Variants in MINDY4 observed in about 807,000 individuals in gnomAD.
The protein encoded by MINDY4 is MINDY lysine 48 deubiquitinase 4.
MINDY4 carries 68 observed loss-of-function variants against 87.0 expected under a neutral mutation model. The ratio of observed to expected loss-of-function variants is 0.78; its 90% CI spans 0.64 to 0.96. The LOEUF is 0.96. Among genes scored for constraint, MINDY4 ranks in the 40% least tolerant of loss-of-function variants. The pLI is 0.00. For synonymous variants in MINDY4, 379 were observed against 363.2 expected, an observed-to-expected ratio of 1.04 and a Z score of -0.50; for missense variants, 919 against 928.2, an observed-to-expected ratio of 0.99 and a Z score of 0.13.
At chr7:30,774,753 C>CACAAGACGTCTTGCA (rs1336329649) in intron 1 of MINDY4, among the ~76,000 whole-genome samples, 7 of 151,966 alleles carry the variant, frequency 4.6e-5, no homozygotes, top group African/African-American at 1.7e-4. Flanking sequence ...TCTTAGCTTT[C>CACAAGACGTCTTGCA]CTCCTACTCC....
intron 5 of MINDY4, among the ~76,000 whole-genome samples, chr7:30,809,284 G>GC (rs1452775633): frequency 6.6e-6 from 1 of 150,776 alleles, no homozygotes; most frequent in Non-Finnish European, 1.5e-5. Context: ...ATCTGTAGCG[G>GC]CAACTGCTTA....
At chr7:30,862,181 A>T (rs537243562) in intron 13 of MINDY4, among the ~76,000 whole-genome samples, 125 of 152,238 alleles carry the variant, frequency 8.2e-4, no homozygotes, top group African/African-American at 2.9e-3. Context: ...CCTGCAGGAG[A>T]TGTGGGCATC....
At chr7:30,802,853 A>C (rs879301050) in intron 5 of MINDY4, among the ~76,000 whole-genome samples, 8 of 151,858 alleles carry the variant, frequency 5.3e-5, no homozygotes, top group Admixed American at 1.3e-4. Context: ...GACCAACCAA[A>C]CCAACCAACC....
At chr7:30,828,318 TTGTGTGTGTG>T (rs60396175) in intron 5 of MINDY4, among the ~76,000 whole-genome samples, 1 of 147,994 alleles carries the variant, frequency 6.8e-6, no homozygotes, top group Non-Finnish European at 1.5e-5. Flanking sequence ...AGAACTCGAT[TTGTGTGTGTG>T]TGTGTGTGTG....
Position 30,875,594 on chromosome 7 carries a change from G to C in MINDY4, c.1909G>C (p.Gly637Arg). Residue 637 changes from glycine to arginine, a missense_variant, in exon 15 of 18, where the codon GGC (glycine) becomes CGC (arginine). Transcript: ENST00000265299. ...SGDGNITLLR[G>R]IAARSDIGFL... ...GGATGGGAACATCACACTTCTCAGA[G>C]GCATTGCTGCACGCAGTGATATTGG... 1 of 1,614,162 alleles carries C rather than the reference G, an allele frequency of 6.2e-7. No homozygotes were observed. Among genetic ancestry groups the C allele is most frequent in the Non-Finnish European group, 8.5e-7 (1 of 1,180,024 alleles).
intron 12 of MINDY4, among the ~76,000 whole-genome samples, chr7:30,855,559 G>T (rs545417910): frequency 9.8e-5 from 15 of 152,294 alleles, no homozygotes; most frequent in South Asian, 2.1e-4. Context: ...GAGGGTGATT[G>T]CTCAAATGAC....
intron 5 of MINDY4, among the ~76,000 whole-genome samples, chr7:30,793,153 T>C (rs1447005399): frequency 3.0e-5 from 3 of 100,430 alleles, no homozygotes; most frequent in Admixed American, 8.9e-5. Context: ...ATATATTGTT[T>C]ATTTAATTGT....
intron 15 of MINDY4, among the ~76,000 whole-genome samples, chr7:30,879,301 C>G (rs192828875): frequency 2.4e-4 from 37 of 152,294 alleles, no homozygotes; most frequent in Non-Finnish European, 5.9e-5. Flanking sequence ...AGCAGGAAGT[C>G]CTTCTGAAGG....
chr7:30,841,138 C>T lies in MINDY4; in HGVS notation c.1445+290C>T, dbSNP rs754234632. Among the ~76,000 whole-genome samples the T allele has an allele frequency of 2.6e-5, 4 of 152,132 alleles. 1 individual carries two copies. The highest frequency in any genetic ancestry group is 4.1e-4 in the South Asian group (2 of 4,824). On this transcript the variant is annotated intron_variant, in intron 9 of 17. Transcript: ENST00000265299. Reference sequence around the variant, plus strand: ...TTCCCTCCTCAGACGGCAAGCTGCCCGAATCCCTTCCACCCACCAGGTCGA... The same window carrying T: ...TTCCCTCCTCAGACGGCAAGCTGCCTGAATCCCTTCCACCCACCAGGTCGA...
chr7:30,847,942 G>T (rs1789277487), intron 9 of MINDY4, among the ~76,000 whole-genome samples: 1 of 152,054 alleles, frequency 6.6e-6, no homozygotes, highest in South Asian at 2.1e-4. Context: ...TATGTTGCCT[G>T]GGCTGTTCTC....
intron 12 of MINDY4, among the ~76,000 whole-genome samples, chr7:30,854,512 G>A (rs1789514086): frequency 6.6e-6 from 1 of 151,822 alleles, no homozygotes; most frequent in Non-Finnish European, 1.5e-5. Context: ...CCACTACGAA[G>A]CAGAGGAAGA....
chr7:30,796,444 C>T (rs1056446572), intron 5 of MINDY4, among the ~76,000 whole-genome samples: 12 of 152,164 alleles, frequency 7.9e-5, no homozygotes, highest in African/African-American at 2.4e-4. Flanking sequence ...TCCCAGAATA[C>T]AGCCTTGAAG....
At chr7:30,885,631 T>G (rs1790607830) in intron 17 of MINDY4, among the ~76,000 whole-genome samples, 1 of 152,146 alleles carries the variant, frequency 6.6e-6, no homozygotes, top group South Asian at 2.1e-4. Flanking sequence ...ATTTGCATTT[T>G]TAAGGAGTCC....
chr7:30,823,628 T>C (rs907174043), intron 5 of MINDY4, among the ~76,000 whole-genome samples: 1 of 152,252 alleles, frequency 6.6e-6, no homozygotes, highest in African/African-American at 2.4e-5. Flanking sequence ...TCTTTTCTTA[T>C]GATTTCCATT....
At chr7:30,843,139 C>T (rs1359450380) in intron 9 of MINDY4, among the ~76,000 whole-genome samples, 1 of 152,250 alleles carries the variant, frequency 6.6e-6, no homozygotes, top group East Asian at 1.9e-4. Flanking sequence ...AGCCCTGTGT[C>T]TGGTCCACAG....
Position 30,791,271 on chromosome 7 carries a change from A to C in MINDY4, c.770A>C (p.Gln257Pro). ...KVPELFVCTQQDILASSNSSP... is the reference protein window; with the variant it reads ...KVPELFVCTQPDILASSNSSP... The stretch of plus-strand genomic sequence containing the variant: ...CCTGAGCTCTTTGTCTGCACCCAAC[A>C]GGACATTCTGGCTTCGAGCAACAGC... The change falls in exon 5 of 18, where the codon CAG (glutamine) becomes CCG (proline). Residue 257 changes from glutamine (Q) to proline (P), a missense_variant. Gln to Pro is a moderately conservative substitution (Grantham distance 76, BLOSUM62 -1). Coordinates refer to ENST00000265299, the MANE Select transcript of MINDY4 (RefSeq NM_032222.3). The C allele has an allele frequency of 2.5e-6, 4 of 1,614,176 alleles. No homozygotes were observed. The highest frequency in any genetic ancestry group is 3.4e-6 in the Non-Finnish European group (4 of 1,180,030).
At chr7:30,862,811 C>T (rs961780887) in intron 13 of MINDY4, among the ~76,000 whole-genome samples, 1 of 152,176 alleles carries the variant, frequency 6.6e-6, no homozygotes, top group Non-Finnish European at 1.5e-5. Context: ...CCAGCCTGTG[C>T]CTTAGGTTCT....
chr7:30,809,239 C>A (rs1051017190), intron 5 of MINDY4, among the ~76,000 whole-genome samples: 12 of 152,104 alleles, frequency 7.9e-5, no homozygotes, highest in Non-Finnish European at 1.6e-4. Flanking sequence ...AACCCAGTAA[C>A]CTGCAGTAAC....
intron 1 of MINDY4, among the ~76,000 whole-genome samples, chr7:30,773,451 T>C (rs892710643): frequency 2.6e-5 from 4 of 152,178 alleles, no homozygotes; most frequent in African/African-American, 9.7e-5. Context: ...GTCTCTCCAT[T>C]ACTTGGCTCT....
Sources: gnomAD v4.1 joint callset for allele counts (sites outside exome capture counted in the v4.1 genomes callset) on GRCh38, gnomAD v4.1.1 for gene constraint, MANE v1.5 for transcripts, NCBI Gene and HGNC (gene_info 2026-07-23, HGNC 2026-07-21) for gene names.